The following ADSL variants were observed in gnomAD, a reference collection of about 807,000 sequenced individuals.
ADSL encodes adenylosuccinate lyase, also known as adenylosuccinase.
Under a neutral mutation model 62.1 loss-of-function variants are expected in ADSL, and 44 were observed. The ratio of observed to expected loss-of-function variants is 0.71; its 90% CI spans 0.56 to 0.91. ADSL has a LOEUF of 0.91. Among genes scored for constraint, ADSL ranks in the 40% least tolerant of loss-of-function variants. The pLI is 0.00. For synonymous variants in ADSL, 198 were observed against 220.5 expected (o/e 0.90, Z 0.90); for missense variants, 531 against 627.4 (o/e 0.85, Z 1.64).
chr22:40,351,496 A>G (rs1328260347), intron 2 of ADSL, among the ~76,000 whole-genome samples: 2 of 151,936 alleles, frequency 1.3e-5, no homozygotes, highest in African/African-American at 4.8e-5. Flanking sequence ...TTATAGGGAC[A>G]GTGTTTCACC....
At chr22:40,354,090 C>G in intron 3 of ADSL, 158 bp from the exon 4 acceptor site, 1 of 749,728 alleles carries the variant, frequency 1.3e-6, no homozygotes, top group Admixed American at 2.0e-5. Flanking sequence ...GTGAACTCTT[C>G]CAGGCACTTT....
chr22:40,346,517 C>T lies in ADSL; in HGVS notation c.-42C>T, dbSNP rs900918725. 37 of 1,578,014 alleles carry T rather than the reference C, an allele frequency of 2.3e-5. No individual in the cohort carries two copies. Among genetic ancestry groups the T allele is most frequent in the Non-Finnish European group, 2.7e-5 (32 of 1,166,152 alleles). On this transcript the variant is annotated 5_prime_UTR_variant, in exon 1 of 13. Transcript: ENST00000623063. Reference sequence around the variant, plus strand: ...TGGCCTCCAGGTTTCCGCTTCCGCTCTTCCCTGGTCCAGTCCACCCTGGCG... The same window carrying T: ...TGGCCTCCAGGTTTCCGCTTCCGCTTTTCCCTGGTCCAGTCCACCCTGGCG...
Position 40,350,515 on chromosome 22 carries a change from A to G in ADSL, c.357+480A>G, listed in dbSNP as rs112461106. On this transcript the variant is annotated intron_variant, in intron 2 of 12. Coordinates refer to ENST00000623063, the MANE Select transcript of ADSL (RefSeq NM_000026.4). ...CTTCCAATCTAAACTGTAAGCACCA[A>G]ATGACCTCTATAAAATAAGACCTAC... 4.6e-5 allele frequency among the ~76,000 whole-genome samples: 7 copies of G among 152,310 alleles called. No individual in the cohort carries two copies. In the South Asian group the frequency reaches 6.2e-4, roughly 14 times the overall value.
intron 9 of ADSL, 173 bp downstream of exon 9, chr22:40,361,808 G>A: frequency 1.2e-6 from 1 of 852,784 alleles, no homozygotes; most frequent in Non-Finnish European, 1.9e-6. Flanking sequence ...GTTACAATTG[G>A]AGTGTGTACT....
Position 40,364,879 on chromosome 22 carries a change from G to C in ADSL, c.1192-1G>C. ...CTGACAATACTTCACTGTCTTCCCA[G>C]GATTGCCATGAGAAAATCAGAGTGC... On this transcript the variant is annotated splice_acceptor_variant, in intron 11 of 12. Transcript: ENST00000623063. LOFTEE classifies it high-confidence loss of function. 1 of 1,614,194 alleles carries C rather than the reference G, an allele frequency of 6.2e-7. No homozygotes were observed. Among genetic ancestry groups the C allele is most frequent in the South Asian group, 1.1e-5 (1 of 91,082 alleles).
At chr22:40,379,260 T>C (rs2047171431) in intron 2 of ADSL, 1 of 152,232 alleles carries the variant, frequency 6.6e-6, no homozygotes, top group African/African-American at 2.4e-5. Flanking sequence ...TAAACATATG[T>C]TGATTGAATG....
At position 40,364,968 on chromosome 22, in the gene ADSL, T is replaced by C; in HGVS notation, c.1280T>C (p.Ile427Thr). ...EGGDNDLIER[I>T]QVDAYFSPIH... ...GGTGACAATGACCTCATAGAGCGTA[T>C]CCAGGTTGATGCCTACTTCAGTCCC... Residue 427 changes from isoleucine to threonine, a missense_variant, in exon 12 of 13, where the codon ATC (isoleucine) becomes ACC (threonine). Around this residue, in one of 2 missense-constraint regions of ADSL, gnomAD observed 471 missense variants for 592.9 expected, o/e 0.79. Coordinates refer to ENST00000623063, the MANE Select transcript of ADSL (RefSeq NM_000026.4). 6.2e-7 allele frequency: 1 copy of C among 1,614,082 alleles called. No homozygotes were observed. The highest frequency in any genetic ancestry group is 1.1e-5 in the South Asian group (1 of 91,078).
At chr22:40,350,443 G>T in intron 2 of ADSL, 1 of 185,580 alleles carries the variant, frequency 5.4e-6, no homozygotes. Flanking sequence ...TATTTTTAAA[G>T]GTATCTTGGT....
At chr22:40,373,914 T>C (rs2046055237), downstream of ADSL, among the ~76,000 whole-genome samples, 1 of 148,676 alleles carries the variant, frequency 6.7e-6, no homozygotes. Context: ...ACACCTGGCC[T>C]GATAGGGTGG....
At chr22:40,355,400 C>T (rs756088837) in intron 4 of ADSL, among the ~76,000 whole-genome samples, 5 of 152,118 alleles carry the variant, frequency 3.3e-5, no homozygotes, top group African/African-American at 1.2e-4. Flanking sequence ...ACTTGAGATC[C>T]GCCCACCTCG....
chr22:40,380,008 G>A (rs2146790487), intron 2 of ADSL, among the ~76,000 whole-genome samples: 1 of 152,216 alleles, frequency 6.6e-6, no homozygotes, highest in East Asian at 1.9e-4. Flanking sequence ...ATCGTGCTCG[G>A]CCTGGTTTCT....
At chr22:40,356,242 G>A (rs539302992) in intron 4 of ADSL, among the ~76,000 whole-genome samples, 62 of 149,756 alleles carry the variant, frequency 4.1e-4, no homozygotes, top group Admixed American at 3.8e-3. Context: ...TAGGCTGGGC[G>A]GTTAGGCTGG....
intron 2 of ADSL, among the ~76,000 whole-genome samples, chr22:40,375,727 A>G (rs553140261): frequency 6.6e-6 from 1 of 151,954 alleles, no homozygotes; most frequent in East Asian, 1.9e-4. Flanking sequence ...TAGATATCTA[A>G]TTAGCCTGCA....
chr22:40,364,959 T>C lies in ADSL; in HGVS notation c.1271T>C (p.Ile424Thr). The C allele has an allele frequency of 1.9e-6, 3 of 1,614,192 alleles. No homozygotes were observed. The highest frequency in any genetic ancestry group is 2.5e-6 in the Non-Finnish European group (3 of 1,180,016). The stretch of plus-strand genomic sequence containing the variant: ...CAGGAAGGGGGTGACAATGACCTCA[T>C]AGAGCGTATCCAGGTTGATGCCTAC... ...VKQEGGDNDL[I>T]ERIQVDAYFS... Residue 424 changes from isoleucine to threonine, a missense_variant, in exon 12 of 13, where the codon ATA (isoleucine) becomes ACA (threonine). Transcript: ENST00000623063.
At chr22:40,350,123 C>A in intron 2 of ADSL, 88 bp downstream of exon 2, 27 of 1,167,692 alleles carry the variant, frequency 2.3e-5, no homozygotes, top group Non-Finnish European at 3.0e-5. Flanking sequence ...GAGGAAGTGA[C>A]ACTATAGATC....
chr22:40,361,725 A>G, intron 9 of ADSL, 90 bp downstream of exon 9: 3 of 1,518,432 alleles, frequency 2.0e-6, no homozygotes, highest in Admixed American at 1.7e-5. Flanking sequence ...GAGCATCTCT[A>G]CAGTCTCCTT....
intron 4 of ADSL, among the ~76,000 whole-genome samples, chr22:40,355,919 G>A (rs1248289542): frequency 6.6e-6 from 1 of 151,850 alleles, no homozygotes; most frequent in Non-Finnish European, 1.5e-5. Context: ...AGGTGCAGTG[G>A]CTCATGCCTG....
At position 40,349,923 on chromosome 22, in the gene ADSL, A is replaced by G. The variant is rs776685935; in HGVS notation, c.245A>G (p.Lys82Arg). Reference protein sequence around the residue: ...IDFKMAAEEEKRLRHDVMAHV... With the variant: ...IDFKMAAEEERRLRHDVMAHV... Reference sequence around the variant, plus strand: ...TTCAAGATGGCAGCTGAGGAAGAGAAACGTTTACGACATGATGTGATGGCT... The same window carrying G: ...TTCAAGATGGCAGCTGAGGAAGAGAGACGTTTACGACATGATGTGATGGCT... The change falls in exon 2 of 13, where the codon AAA becomes AGA. Residue 82 changes from lysine to arginine, a missense_variant. Transcript: ENST00000623063. 1.9e-5 allele frequency: 31 copies of G among 1,614,058 alleles called. No homozygotes were observed. Among genetic ancestry groups the G allele is most frequent in the Non-Finnish European group, 1.1e-5 (13 of 1,180,042 alleles).
At chr22:40,385,122 G>A (rs977846380) in intron 2 of ADSL, among the ~76,000 whole-genome samples, 1 of 152,222 alleles carries the variant, frequency 6.6e-6, no homozygotes, top group Non-Finnish European at 1.5e-5. Flanking sequence ...AGTCAGCAGA[G>A]TCTGATGCTT....
Sources: allele counts gnomAD v4.1 joint callset (sites outside exome capture counted in the v4.1 genomes callset), GRCh38; gene constraint gnomAD v4.1.1; regional missense constraint gnomAD v4.1.1; transcripts MANE v1.5; gene names NCBI Gene and HGNC (gene_info 2026-07-23, HGNC 2026-07-21).